The following HABP4 variants were observed in gnomAD, a reference collection of about 807,000 sequenced individuals.
HABP4 encodes the protein hyaluronan binding protein 4, also known as intracellular hyaluronan-binding protein 4.
A neutral mutation model predicts 44.1 loss-of-function variants in HABP4; 32 were observed. The observed-to-expected ratio is 0.73, with a 90% CI of 0.55 to 0.97. The LOEUF (loss-of-function observed/expected upper bound fraction) is 0.97. HABP4 is among the 50% of genes least tolerant of loss of function. The pLI, the probability that HABP4 is intolerant of heterozygous loss-of-function variation, is 0.00. For missense variants in HABP4, 503 were observed against 561.9 expected (o/e 0.90, Z 1.06); for synonymous variants, 216 against 218.0 (o/e 0.99, Z 0.08).
intron 5 of HABP4, among the ~76,000 whole-genome samples, chr9:96,478,915 G>A (rs903987068): frequency 1.3e-5 from 2 of 152,188 alleles, no homozygotes; most frequent in South Asian, 4.2e-4. Flanking sequence ...GTGGGCCACC[G>A]TGTCTAGCTT....
chr9:96,457,123 C>T (rs1281026605), intron 1 of HABP4, among the ~76,000 whole-genome samples: 2 of 151,922 alleles, frequency 1.3e-5, no homozygotes, highest in African/African-American at 2.4e-5. Context: ...CGGCCGGGCA[C>T]GGTGGCTCAC....
chr9:96,457,955 A>G (rs1446495653), intron 1 of HABP4, among the ~76,000 whole-genome samples: 1 of 152,222 alleles, frequency 6.6e-6, no homozygotes, highest in East Asian at 1.9e-4. Flanking sequence ...CATAGTTGCT[A>G]TGTAATGTGC....
At chr9:96,472,047 C>T (rs55665228) in intron 5 of HABP4, among the ~76,000 whole-genome samples, 25,826 of 152,068 alleles carry the variant, frequency 0.17, 2,350 homozygotes, top group East Asian at 0.35. Context: ...TCTCAGCCTC[C>T]CAAAGTGCTG....
chr9:96,488,228 G>T lies in HABP4; in HGVS notation c.1139G>T (p.Gly380Val). ...GARGGTRGGR[G>V]RIRRAENYGP... is the part of the protein sequence containing the mutation. ...AGAGGAGGCACCCGGGGAGGCCGGG[G>T]AAGGATCAGGAGGGCAGAGAACTAT... The change falls in exon 7 of 8, where the codon GGA (glycine) becomes GTA (valine). Residue 380 changes from glycine to valine, a missense_variant. This residue lies in a region of HABP4 where 82 missense variants were observed against 71.6 expected (regional missense o/e 1.15). Coordinates refer to ENST00000375249, the MANE Select transcript of HABP4 (RefSeq NM_014282.4). This position sits in a 1 kb window ranked among gnomAD's most constrained non-coding sequence, Gnocchi z 4.6. 2 of 1,613,912 alleles carry T rather than the reference G, an allele frequency of 1.2e-6. No individual in the cohort carries two copies. Among genetic ancestry groups the T allele is most frequent in the Non-Finnish European group, 1.7e-6 (2 of 1,179,834 alleles).
Position 96,465,396 on chromosome 9 carries a change from G to A in HABP4, c.572G>A (p.Gly191Asp). ...PLRGRGGPRG[G>D]MRGRGRGGPG... ...AGAGGACGTGGAGGCCCGAGAGGGG[G>A]TATGCGCGGCAGAGGCAGAGGTGGC... Residue 191 changes from glycine (G) to aspartate (D), a missense_variant, in exon 3 of 8, where the codon GGT (glycine) becomes GAT (aspartate). By Grantham distance (94) the Gly-to-Asp change is moderately conservative. Around this residue, in one of 3 missense-constraint regions of HABP4, gnomAD observed 290 missense variants for 300.5 expected, o/e 0.97. Transcript: ENST00000375249. The A allele has an allele frequency of 1.2e-6, 2 of 1,608,642 alleles. No individual in the cohort carries two copies. Among genetic ancestry groups the A allele is most frequent in the Non-Finnish European group, 1.7e-6 (2 of 1,175,012 alleles).
At position 96,465,507 on chromosome 9, in the gene HABP4, C is replaced by A. The variant is rs1832585924; in HGVS notation, c.674+9C>A. The stretch of plus-strand genomic sequence containing the variant: ...GGTGGGAATGACAAAATGTAAGTTT[C>A]TTTGTAAATGCTATTTTCACTTTAA... On this transcript the variant is annotated intron_variant, in intron 3 of 7. Transcript: ENST00000375249. 6.3e-7 allele frequency: 1 copy of A among 1,579,154 alleles called. No individual in the cohort carries two copies. The highest frequency in any genetic ancestry group is 1.3e-5 in the African/African-American group (1 of 74,220).
At chr9:96,485,277 C>G (rs1290480249) in intron 6 of HABP4, among the ~76,000 whole-genome samples, 6 of 152,170 alleles carry the variant, frequency 3.9e-5, no homozygotes, top group Non-Finnish European at 8.8e-5. Flanking sequence ...TCTTGAACTC[C>G]CGACCTCAGG....
intron 1 of HABP4, 38 bp from the exon 2 acceptor site, chr9:96,458,341 T>A (rs1297086977): frequency 1.9e-6 from 3 of 1,591,376 alleles, no homozygotes; most frequent in Non-Finnish European, 2.6e-6. Flanking sequence ...GTTGCAGATG[T>A]TGTGTTCCAG....
chr9:96,454,766 T>C (rs1832345659), intron 1 of HABP4, among the ~76,000 whole-genome samples: 2 of 151,978 alleles, frequency 1.3e-5, no homozygotes, highest in South Asian at 4.2e-4. Flanking sequence ...GAACTCTTAA[T>C]AAAGCACGTG....
rs764543981 is a variant in HABP4 at position 96,458,382 on chromosome 9, A to G, written c.353A>G (p.Gln118Arg). The change falls in exon 2 of 8, where the codon CAG becomes CGG. Residue 118 changes from glutamine to arginine, a missense_variant. Around this residue, in one of 3 missense-constraint regions of HABP4, gnomAD observed 290 missense variants for 300.5 expected, o/e 0.97. Coordinates refer to ENST00000375249, the MANE Select transcript of HABP4 (RefSeq NM_014282.4). Reference sequence around the variant, plus strand: ...TGCTTTGATTTTCTGTTGGTAGGCCAGAAGCGGACTCCTAGAAGAGGGGAG... The same window carrying G: ...TGCTTTGATTTTCTGTTGGTAGGCCGGAAGCGGACTCCTAGAAGAGGGGAG... ...SPGGGLQAPGQKRTPRRGEQQ... is the reference protein window; with the variant it reads ...SPGGGLQAPGRKRTPRRGEQQ... 3.0e-5 allele frequency: 49 copies of G among 1,613,936 alleles called. 1 individual carries two copies. In the South Asian group the frequency reaches 5.0e-4, roughly 17 times the overall value.
intron 6 of HABP4, among the ~76,000 whole-genome samples, chr9:96,485,059 T>C (rs1832946041): frequency 6.6e-6 from 1 of 152,150 alleles, no homozygotes; most frequent in Non-Finnish European, 1.5e-5. Flanking sequence ...TGATGACTTT[T>C]TTTTTTTTTT....
At chr9:96,463,870 C>T (rs1355293793) in intron 2 of HABP4, among the ~76,000 whole-genome samples, 2 of 152,170 alleles carry the variant, frequency 1.3e-5, no homozygotes, top group African/African-American at 4.8e-5. Flanking sequence ...GCTACTAATG[C>T]CACTAGGTTT....
chr9:96,461,667 C>T (rs892081546), intron 2 of HABP4, among the ~76,000 whole-genome samples: 1 of 152,050 alleles, frequency 6.6e-6, no homozygotes, highest in Admixed American at 6.5e-5. Context: ...ACACACATTG[C>T]TGAAACTCTG....
chr9:96,453,222 A>G (rs1832318266), intron 1 of HABP4, among the ~76,000 whole-genome samples: 1 of 150,952 alleles, frequency 6.6e-6, no homozygotes, highest in South Asian at 2.1e-4. Context: ...ATGCGCCACC[A>G]TGCCCAGCTA....
chr9:96,474,755 G>T (rs117543801), intron 5 of HABP4, among the ~76,000 whole-genome samples: 1 of 152,202 alleles, frequency 6.6e-6, no homozygotes, highest in East Asian at 1.9e-4. Context: ...GAGTGATAGC[G>T]ATGCTCTCTG....
rs927881840 is a variant in HABP4 at position 96,471,190 on chromosome 9, T to C, written c.827+96T>C. On this transcript the variant is annotated intron_variant, in intron 5 of 7. Transcript: ENST00000375249. ...ATGGAACTTGCTTTGTCACCCAGGC[T>C]GGAGTGCAATGGCACAATCTTGGCT... 3 of 711,858 alleles carry C rather than the reference T, an allele frequency of 4.2e-6. No individual in the cohort carries two copies. In the African/African-American group the frequency reaches 5.3e-5, roughly 13 times the overall value. 44.1% of individuals were successfully genotyped at this position (711,858 alleles called of 1,614,324 possible). A position where few individuals can be genotyped will look rare whatever the true frequency, so the allele number is the denominator to read the frequency against.
intron 4 of HABP4, among the ~76,000 whole-genome samples, chr9:96,467,465 ACTTT>A (rs921391786): frequency 1.4e-5 from 2 of 148,086 alleles, no homozygotes; most frequent in Non-Finnish European, 3.0e-5. Context: ...TAATATAGGC[ACTTT>A]CTTTCCTTCT....
chr9:96,469,356 A>C (rs1443400168), intron 4 of HABP4, among the ~76,000 whole-genome samples: 3 of 152,152 alleles, frequency 2.0e-5, no homozygotes, highest in African/African-American at 7.2e-5. Context: ...GATTTGATTA[A>C]GTTTGAGGTC....
intron 6 of HABP4, among the ~76,000 whole-genome samples, chr9:96,487,733 T>C (rs959290814): frequency 6.6e-5 from 10 of 152,218 alleles, no homozygotes; most frequent in South Asian, 4.1e-4. Context: ...ATATAAAACA[T>C]GTATATTGTT....
Sources: allele counts gnomAD v4.1 joint callset (sites outside exome capture counted in the v4.1 genomes callset), GRCh38; gene constraint gnomAD v4.1.1; regional missense constraint gnomAD v4.1.1; non-coding constraint Gnocchi (gnomAD v3.1); transcripts MANE v1.5; gene names NCBI Gene and HGNC (gene_info 2026-07-23, HGNC 2026-07-21).